RCAN2: variants seen among roughly 807,000 people sequenced by gnomAD.
RCAN2 encodes calcipressin-2.
RCAN2 carries 9 observed loss-of-function variants against 23.6 expected under a neutral mutation model. The observed-to-expected ratio is 0.38, with a 90% CI of 0.23 to 0.67. The LOEUF is 0.67. Among genes scored for constraint, RCAN2 ranks in the 30% least tolerant of loss-of-function variants. The pLI is 0.51. For missense variants in RCAN2, 273 were observed against 302.3 expected (o/e 0.90, Z 0.72); for synonymous variants, 109 against 115.7 (o/e 0.94, Z 0.37).
intron 2 of RCAN2, among the ~76,000 whole-genome samples, chr6:46,312,421 C>CAGTT (rs1197797172): frequency 6.6e-6 from 1 of 152,138 alleles, no homozygotes; most frequent in Non-Finnish European, 1.5e-5. Context: ...CAGGGCAGAA[C>CAGTT]AGTTAGATAA....
chr6:46,366,824 C>T (rs1467614317), intron 2 of RCAN2, among the ~76,000 whole-genome samples: 2 of 151,300 alleles, frequency 1.3e-5, no homozygotes, highest in Non-Finnish European at 2.9e-5. Context: ...AAAGTTGAGC[C>T]TGATCTCTCT....
At chr6:46,429,963 G>A (rs1230134097) in intron 2 of RCAN2, among the ~76,000 whole-genome samples, 1 of 152,178 alleles carries the variant, frequency 6.6e-6, no homozygotes, top group African/African-American at 2.4e-5. Context: ...CATGGCTGGA[G>A]ACAGAAGACT....
At chr6:46,371,697 C>T (rs1379836162) in intron 2 of RCAN2, among the ~76,000 whole-genome samples, 1 of 152,150 alleles carries the variant, frequency 6.6e-6, no homozygotes, top group African/African-American at 2.4e-5. Flanking sequence ...GATTACTGTT[C>T]CACTAATCAG....
At chr6:46,259,088 A>C (rs942776807) in intron 2 of RCAN2, among the ~76,000 whole-genome samples, 4 of 152,094 alleles carry the variant, frequency 2.6e-5, no homozygotes, top group Non-Finnish European at 4.4e-5. Flanking sequence ...CTGGAGGCTG[A>C]GGTGGGAGGA....
intron 2 of RCAN2, among the ~76,000 whole-genome samples, chr6:46,275,845 C>A (rs1159528867): frequency 6.6e-6 from 1 of 152,170 alleles, no homozygotes; most frequent in East Asian, 1.9e-4. Context: ...TCCACAAATG[C>A]AACAACAGTA....
intron 1 of RCAN2, among the ~76,000 whole-genome samples, chr6:46,464,483 A>G (rs1475093455): frequency 6.6e-6 from 1 of 152,170 alleles, no homozygotes; most frequent in Non-Finnish European, 1.5e-5. Flanking sequence ...TAGGGATAAG[A>G]CAAGCCTTTT....
At chr6:46,417,370 T>C (rs1766741156) in intron 2 of RCAN2, among the ~76,000 whole-genome samples, 1 of 152,270 alleles carries the variant, frequency 6.6e-6, no homozygotes, top group South Asian at 2.1e-4. Context: ...GTAAGATTTA[T>C]TCTTTAAGAG....
intron 1 of RCAN2, among the ~76,000 whole-genome samples, chr6:46,462,270 CA>C (rs1410711787): frequency 1.7e-4 from 26 of 152,208 alleles, no homozygotes; most frequent in Middle Eastern, 3.4e-3. Context: ...AAACAAAAAA[CA>C]AACAACCTTT....
chr6:46,390,804 C>T (rs1272821427), intron 2 of RCAN2, among the ~76,000 whole-genome samples: 2 of 152,116 alleles, frequency 1.3e-5, no homozygotes, highest in Non-Finnish European at 2.9e-5. Context: ...TGAAGTATAT[C>T]GATCTTGGAA....
At chr6:46,236,885 A>G (rs895316928) in intron 4 of RCAN2, among the ~76,000 whole-genome samples, 2 of 152,246 alleles carry the variant, frequency 1.3e-5, no homozygotes, top group African/African-American at 4.8e-5. Flanking sequence ...CAGGCACAGG[A>G]AAGTCTGTAA....
chr6:46,397,291 G>A (rs992409383), intron 2 of RCAN2, among the ~76,000 whole-genome samples: 11 of 151,672 alleles, frequency 7.3e-5, no homozygotes, highest in Non-Finnish European at 4.4e-5. Flanking sequence ...GAGTTCCCAC[G>A]CAGTGATAAA....
chr6:46,227,394 G>T (rs1765708086), intron 4 of RCAN2, among the ~76,000 whole-genome samples: 1 of 152,136 alleles, frequency 6.6e-6, no homozygotes, highest in Non-Finnish European at 1.5e-5. Context: ...GGTAGAATTT[G>T]GCTGTGAATA....
intron 2 of RCAN2, among the ~76,000 whole-genome samples, chr6:46,258,232 T>C (rs1766984272): frequency 6.6e-6 from 1 of 152,196 alleles, no homozygotes; most frequent in Non-Finnish European, 1.5e-5. Context: ...AGAACCACTC[T>C]GGATGTGATG....
chr6:46,238,448 C>T (rs1386136250), intron 4 of RCAN2, among the ~76,000 whole-genome samples: 1 of 152,090 alleles, frequency 6.6e-6, no homozygotes, highest in African/African-American at 2.4e-5. Context: ...GTAGGTGAGA[C>T]CCAAGGATGC....
chr6:46,409,611 C>T (rs1266708245), intron 2 of RCAN2, among the ~76,000 whole-genome samples: 1 of 152,160 alleles, frequency 6.6e-6, no homozygotes, highest in Non-Finnish European at 1.5e-5. Context: ...CTTAAATGCA[C>T]CACTCATTCA....
At chr6:46,445,463 C>T (rs1767678930) in intron 2 of RCAN2, among the ~76,000 whole-genome samples, 2 of 152,156 alleles carry the variant, frequency 1.3e-5, no homozygotes, top group African/African-American at 2.4e-5. Flanking sequence ...CAAAGCCAGT[C>T]CAAAAAGACA....
chr6:46,332,521 C>T lies in RCAN2; in HGVS notation c.226-83625G>A, dbSNP rs1166174900. On this transcript the variant is annotated intron_variant, in intron 2 of 4. Transcript: ENST00000371374. ...TCCCCTTCCTGTGTCCATGTGTTCT[C>T]ATTGTTCAATTCCCACCTATGAGTG... Among the ~76,000 whole-genome samples, 3 of 142,822 alleles carry T rather than the reference C, an allele frequency of 2.1e-5. No homozygotes were observed. In the East Asian group the frequency reaches 6.2e-4, roughly 29 times the overall value. The allele number at this position is 142,822 out of a possible 152,430, so 93.7% of individuals were successfully genotyped here.
At chr6:46,262,876 CT>C (rs770123393) in intron 2 of RCAN2, among the ~76,000 whole-genome samples, 18 of 152,280 alleles carry the variant, frequency 1.2e-4, no homozygotes, top group Non-Finnish European at 1.9e-4. Flanking sequence ...CAGCCTTTTC[CT>C]CCAGATAACT....
intron 2 of RCAN2, among the ~76,000 whole-genome samples, chr6:46,384,028 TC>T (rs961226942): frequency 2.6e-5 from 4 of 151,996 alleles, no homozygotes; most frequent in Non-Finnish European, 4.4e-5. Context: ...CTCTACATAC[TC>T]CCCCACCCAG....
Sources: allele counts gnomAD v4.1 joint callset (sites outside exome capture counted in the v4.1 genomes callset), GRCh38; gene constraint gnomAD v4.1.1; transcripts MANE v1.5; gene names NCBI Gene and HGNC (gene_info 2026-07-23, HGNC 2026-07-21).